RPL13A: variants seen among roughly 807,000 people sequenced by gnomAD.
RPL13A encodes the protein large ribosomal subunit protein uL13.
Under a neutral mutation model 30.8 loss-of-function variants are expected in RPL13A, and 4 were observed. The observed-to-expected ratio is 0.13, with a 90% CI of 0.06 to 0.30. The LOEUF is 0.30. RPL13A is among the 10% of genes least tolerant of loss of function. The pLI is 1.00. For synonymous variants in RPL13A, 108 were observed against 104.2 expected (o/e 1.04, Z -0.22); for missense variants, 196 against 272.6 (o/e 0.72, Z 1.98).
At position 49,490,587 on chromosome 19, in the gene RPL13A, C is replaced by A; in HGVS notation, c.256+11C>A. On this transcript the variant is annotated intron_variant, in intron 4 of 7. Coordinates refer to ENST00000391857, the MANE Select transcript of RPL13A (RefSeq NM_012423.4). Reference sequence around the variant, plus strand: ...GGCGGACCGTGCGAGGTGAGCAGAGCGTGGGGACTGCAGGTGGTGACGGGC... The same window carrying A: ...GGCGGACCGTGCGAGGTGAGCAGAGAGTGGGGACTGCAGGTGGTGACGGGC... 1 of 1,613,494 alleles carries A rather than the reference C, an allele frequency of 6.2e-7. No homozygotes were observed. Among genetic ancestry groups the A allele is most frequent in the Admixed American group, 1.7e-5 (1 of 60,020 alleles).
At position 49,490,070 on chromosome 19, in the gene RPL13A, T is replaced by C; in HGVS notation, c.88+148T>C. On this transcript the variant is annotated intron_variant, in intron 2 of 7. Transcript: ENST00000391857. ...CCTGCCAGCCACTCTTCCCCAGGGT[T>C]GGGGACTCCAGGCTCAAGAAGTAAT... 4.0e-6 allele frequency: 4 copies of C among 1,011,860 alleles called. No individual in the cohort carries two copies. In the African/African-American group the frequency reaches 6.3e-5, roughly 16 times the overall value. 62.7% of individuals were successfully genotyped at this position (1,011,860 alleles called of 1,614,324 possible). A position where few individuals can be genotyped will look rare whatever the true frequency, so the allele number is the denominator to read the frequency against.
chr19:49,489,303 C>G (rs1465222611), intron 1 of RPL13A, among the ~76,000 whole-genome samples: 1 of 151,986 alleles, frequency 6.6e-6, no homozygotes, highest in Non-Finnish European at 1.5e-5. Flanking sequence ...CAAGAGCAGC[C>G]TAGGCAACAT....
chr19:49,490,563 G>C lies in RPL13A; in HGVS notation c.243G>C (p.Trp81Cys). 1 of 1,614,170 alleles carries C rather than the reference G, an allele frequency of 6.2e-7. No homozygotes were observed. The highest frequency in any genetic ancestry group is 8.5e-7 in the Non-Finnish European group (1 of 1,180,038). ...YHFRAPSRIF[W>C]RTVRGMLPHK... ...TCCGGGCCCCCAGCCGCATCTTCTGGCGGACCGTGCGAGGTGAGCAGAGCG... is the reference window on the plus strand; with the variant it reads ...TCCGGGCCCCCAGCCGCATCTTCTGCCGGACCGTGCGAGGTGAGCAGAGCG... Residue 81 changes from tryptophan to cysteine, a missense_variant, in exon 4 of 8, where the codon TGG (tryptophan) becomes TGC (cysteine). Coordinates refer to ENST00000391857, the MANE Select transcript of RPL13A (RefSeq NM_012423.4).
chr19:49,491,436 G>C lies in RPL13A; in HGVS notation c.414G>C (p.Leu138=). 2 of 1,198,352 alleles carry C rather than the reference G, an allele frequency of 1.7e-6. No individual in the cohort carries two copies. The highest frequency in any genetic ancestry group is 1.3e-5 in the South Asian group (1 of 77,536). The allele number at this position is 1,198,352 out of a possible 1,614,324, so 74.2% of individuals were successfully genotyped here. The change falls in exon 7 of 8, where the codon CTG becomes CTC. Residue 138 remains leucine, a synonymous_variant. Transcript: ENST00000391857. The stretch of plus-strand genomic sequence containing the variant: ...CCCCCCCCCCGCAGTTTGCCTATCT[G>C]GGGCGCCTGGCTCACGAGGTTGGCT... ...RLKPTRKFAY[L]GRLAHEVGWK... is the part of the protein sequence containing the mutation.
At position 49,491,207 on chromosome 19, in the gene RPL13A, C is replaced by CG; in HGVS notation, c.402+110dup. 2.9e-6 allele frequency: 4 copies of CG among 1,374,186 alleles called. No individual in the cohort carries two copies. In the South Asian group the frequency reaches 4.6e-5, roughly 16 times the overall value. The allele number at this position is 1,374,186 out of a possible 1,614,324, so 85.1% of individuals were successfully genotyped here. ...GATGTCCTTATCTCACGATGGTCTG[C>CG]GGATGTCCCTGTGGGAATGGCGACA... On this transcript the variant is annotated intron_variant, in intron 6 of 7. Transcript: ENST00000391857.
rs1367296496 is a variant in RPL13A, at chr19:49,491,981, G to T, written c.*166G>T. 3 of 599,232 alleles carry T rather than the reference G, an allele frequency of 5.0e-6. No individual in the cohort carries two copies. Among genetic ancestry groups the T allele is most frequent in the South Asian group, 2.0e-5 (1 of 50,152 alleles). The allele number at this position is 599,232 out of a possible 1,614,324, so 37.1% of individuals were successfully genotyped here. A position where few individuals can be genotyped will look rare whatever the true frequency, so the allele number is the denominator to read the frequency against. On this transcript the variant is annotated 3_prime_UTR_variant, in exon 8 of 8. Transcript: ENST00000391857. ...GTCTTAGTCACTGCCTCCCGAAGTT[G>T]CTTGAAAGCACTCGGAGAATTGTGC...
At position 49,491,798 on chromosome 19, in the gene RPL13A, C is replaced by T; in HGVS notation, c.595C>T (p.His199Tyr). Residue 199 changes from histidine to tyrosine, a missense_variant, in exon 8 of 8, where the codon CAC becomes TAC. By Grantham distance (83) the His-to-Tyr change is moderately conservative (BLOSUM62 2). Coordinates refer to ENST00000391857, the MANE Select transcript of RPL13A (RefSeq NM_012423.4). Reference sequence around the variant, plus strand: ...CAAATACACAGAGGTCCTCAAGACCCACGGACTCCTGGTCTGAGCCCAATA... The same window carrying T: ...CAAATACACAGAGGTCCTCAAGACCTACGGACTCCTGGTCTGAGCCCAATA... ...IDKYTEVLKT[H>Y]GLLV The T allele has an allele frequency of 5.0e-6, 8 of 1,609,410 alleles. No individual in the cohort carries two copies. The highest frequency in any genetic ancestry group is 6.8e-6 in the Non-Finnish European group (8 of 1,177,826).
chr19:49,487,710 A>C, intron 1 of RPL13A, 66 bp downstream of exon 1: 1 of 1,439,072 alleles, frequency 6.9e-7, no homozygotes. Flanking sequence ...ATGGGGTCGC[A>C]CCCTCTCTGT....
At position 49,490,834 on chromosome 19, in the gene RPL13A, G is replaced by T; in HGVS notation, c.312G>T (p.Val104=). The change falls in exon 5 of 8, where the codon GTG becomes GTT. Residue 104 remains valine, a synonymous_variant. Transcript: ENST00000391857. The stretch of plus-strand genomic sequence containing the variant: ...AGGCCGCTCTGGACCGTCTCAAGGT[G>T]TTTGACGGCATCCCACCGCCCTACG... The part of the protein sequence containing the change: ...RGQAALDRLK[V]FDGIPPPYDK... 6.2e-7 allele frequency: 1 copy of T among 1,614,118 alleles called. No individual in the cohort carries two copies.
At position 49,491,915 on chromosome 19, in the gene RPL13A, CAGGCAGCCCTGGGACAT is replaced by C. The variant is rs1342276263; in HGVS notation, c.*104_*120del. 1.1e-6 allele frequency: 1 copy of C among 921,982 alleles called. No individual in the cohort carries two copies. Among genetic ancestry groups the C allele is most frequent in the Non-Finnish European group, 1.7e-6 (1 of 589,886 alleles). 57.1% of individuals were successfully genotyped at this position (921,982 alleles called of 1,614,324 possible). The stretch of plus-strand genomic sequence containing the variant: ...AGGGGCAGCAGCAGTCCAGGTGCCA[CAGGCAGCCCTGGGACAT>C]AGGAAGCTGGGAGCAAGGAAAGGGT... On this transcript the variant is annotated 3_prime_UTR_variant, in exon 8 of 8. Coordinates refer to ENST00000391857, the MANE Select transcript of RPL13A (RefSeq NM_012423.4).
Position 49,491,402 on chromosome 19 carries a change from ACCCCCCCCCCCCC to A in RPL13A, c.403-17_403-5del. ...GATATCCTTACAACTTCATTTGTTC[ACCCCCCCCCCCCC>A]CCCCCGCAGTTTGCCTATCTGGGGC... On this transcript the variant is annotated splice_polypyrimidine_tract_variant and intron_variant, in intron 6 of 7. Coordinates refer to ENST00000391857, the MANE Select transcript of RPL13A (RefSeq NM_012423.4). 4 of 236,626 alleles carry A rather than the reference ACCCCCCCCCCCCC, an allele frequency of 1.7e-5. No individual in the cohort carries two copies. Among genetic ancestry groups the A allele is most frequent in the Non-Finnish European group, 2.3e-5 (3 of 128,624 alleles). 14.7% of individuals were successfully genotyped at this position (236,626 alleles called of 1,614,324 possible). A position where few individuals can be genotyped will look rare whatever the true frequency, so the allele number is the denominator to read the frequency against.
At position 49,491,736 on chromosome 19, in the gene RPL13A, G is replaced by A. The variant is rs199926952; in HGVS notation, c.533G>A (p.Arg178Gln). The A allele has an allele frequency of 4.8e-5, 78 of 1,613,286 alleles. No individual in the cohort carries two copies. The highest frequency in any genetic ancestry group is 2.0e-4 in the Admixed American group (12 of 59,854). ...TGCACTTATTCTTGGCAGAGGCTAC[G>A]GAAACAGGCCGAGAAGAACGTGGAG... ...YRKKKQLMRL[R>Q]KQAEKNVEKK... Residue 178 changes from arginine to glutamine, a missense_variant, in exon 8 of 8, where the codon CGG becomes CAG. By Grantham distance (43) the Arg-to-Gln change is conservative. Coordinates refer to ENST00000391857, the MANE Select transcript of RPL13A (RefSeq NM_012423.4).
intron 1 of RPL13A, 31 bp from the exon 2 acceptor site, chr19:49,489,819 C>T: frequency 6.6e-7 from 1 of 1,516,442 alleles, no homozygotes; most frequent in African/African-American, 1.9e-5. Flanking sequence ...CTGTCCTTGT[C>T]TCTGAGTCCT....
intron 2 of RPL13A, 84 bp downstream of exon 2, chr19:49,490,006 CTCACGGCCATGAGA>C (rs760490740): frequency 6.6e-6 from 8 of 1,212,030 alleles, no homozygotes; most frequent in Admixed American, 5.0e-5. Context: ...TCGTTTGAGT[CTCACGGCCATGAGA>C]TCAACCCCAT....
intron 1 of RPL13A, among the ~76,000 whole-genome samples, chr19:49,489,044 G>C (rs1295897865): frequency 1.3e-5 from 2 of 152,238 alleles, no homozygotes; most frequent in Non-Finnish European, 2.9e-5. Context: ...TTCGGTGCCT[G>C]AGCAGTTTAC....
chr19:49,490,011 G>A lies in RPL13A; in HGVS notation c.88+89G>A, dbSNP rs373853553. ...TCACCATCTTTCGTTTGAGTCTCAC[G>A]GCCATGAGATCAACCCCATGCACCG... On this transcript the variant is annotated intron_variant, in intron 2 of 7. Coordinates refer to ENST00000391857, the MANE Select transcript of RPL13A (RefSeq NM_012423.4). The A allele has an allele frequency of 2.2e-5, 26 of 1,165,352 alleles. No homozygotes were observed. In the African/African-American group the frequency reaches 3.0e-4, roughly 14 times the overall value. The allele number at this position is 1,165,352 out of a possible 1,614,324, so 72.2% of individuals were successfully genotyped here.
chr19:49,489,790 T>A, intron 1 of RPL13A, 60 bp from the exon 2 acceptor site: 1 of 1,335,706 alleles, frequency 7.5e-7, no homozygotes, highest in Non-Finnish European at 1.1e-6. Context: ...GAATGCTTGC[T>A]TGTGAGGACA....
In RPL13A at chr19:49,491,406, C is replaced by A. The variant is rs745496761; in HGVS notation, c.403-19C>A. 382 of 237,158 alleles carry A rather than the reference C, an allele frequency of 1.6e-3. 3 individuals are homozygous for A. The highest frequency in any genetic ancestry group is 0.012 in the African/African-American group (241 of 20,146). 14.7% of individuals were successfully genotyped at this position (237,158 alleles called of 1,614,324 possible). A position where few individuals can be genotyped will look rare whatever the true frequency, so the allele number is the denominator to read the frequency against. ...TCCTTACAACTTCATTTGTTCACCC[C>A]CCCCCCCCCCCCCCGCAGTTTGCCT... On this transcript the variant is annotated intron_variant, in intron 6 of 7. Coordinates refer to ENST00000391857, the MANE Select transcript of RPL13A (RefSeq NM_012423.4).
chr19:49,488,994 C>T (rs80047369), intron 1 of RPL13A, among the ~76,000 whole-genome samples: 3 of 152,364 alleles, frequency 2.0e-5, no homozygotes, highest in African/African-American at 7.2e-5. Flanking sequence ...GCGTGAGCCC[C>T]TGTGCCCGGC....
Sources: allele counts gnomAD v4.1 joint callset (sites outside exome capture counted in the v4.1 genomes callset), GRCh38; gene constraint gnomAD v4.1.1; transcripts MANE v1.5; gene names NCBI Gene and HGNC (gene_info 2026-07-23, HGNC 2026-07-21).